CCDC88A: variants seen among roughly 807,000 people sequenced by gnomAD.
CCDC88A encodes the protein girdin.
Under a neutral mutation model 234.3 loss-of-function variants are expected in CCDC88A, and 54 were observed. The observed-to-expected ratio is 0.23, with a 90% CI of 0.19 to 0.29. CCDC88A has a LOEUF of 0.29. Ranked by LOEUF, CCDC88A falls within the 10% of genes least tolerant of loss-of-function variation. The probability of loss-of-function intolerance (pLI) is 1.00; values close to 1 mark genes in which losing one functional copy is unlikely to be tolerated. For missense variants in CCDC88A, 1,832 were observed against 2,123.4 expected (o/e 0.86, Z 2.70); for synonymous variants, 753 against 737.8 (o/e 1.02, Z -0.33).
chr2:55,352,926 G>A (rs548532218), intron 8 of CCDC88A, among the ~76,000 whole-genome samples: 4 of 152,022 alleles, frequency 2.6e-5, no homozygotes, highest in Admixed American at 6.6e-5. Context: ...ATTCACTTTA[G>A]TAGAGATCTG....
Position 55,335,702 on chromosome 2 carries a change from C to G in CCDC88A, c.1657-538G>C, listed in dbSNP as rs1473918607. On this transcript the variant is annotated intron_variant, in intron 14 of 32. Transcript: ENST00000436346. This position sits in a 1 kb window ranked among gnomAD's most constrained non-coding sequence, Gnocchi z 4.5. ...AAAAATCACTGGGTACATTTGGGAA[C>G]TAATTCATCCAATTTATAGCGTGAT... Among the ~76,000 whole-genome samples, 2 of 152,134 alleles carry G rather than the reference C, an allele frequency of 1.3e-5. No individual in the cohort carries two copies. Among genetic ancestry groups the G allele is most frequent in the Non-Finnish European group, 1.5e-5 (1 of 68,028 alleles).
At chr2:55,384,735 T>G (rs1198004626) in intron 3 of CCDC88A, among the ~76,000 whole-genome samples, 1 of 150,712 alleles carries the variant, frequency 6.6e-6, no homozygotes, top group African/African-American at 2.5e-5. Context: ...CCGCTTACTG[T>G]AACTTCTACC....
intron 2 of CCDC88A, among the ~76,000 whole-genome samples, chr2:55,395,413 T>A (rs2867175): frequency 0.3 from 46,256 of 152,078 alleles, 7,457 homozygotes; most frequent in East Asian, 0.54. Flanking sequence ...GGTATAACTA[T>A]TCCCTTTTAT....
Position 55,388,879 on chromosome 2 carries a change from T to C in CCDC88A, c.172A>G (p.Lys58Glu). 3 of 1,279,034 alleles carry C rather than the reference T, an allele frequency of 2.3e-6. No individual in the cohort carries two copies. Among genetic ancestry groups the C allele is most frequent in the Non-Finnish European group, 3.3e-6 (3 of 904,958 alleles). The allele number at this position is 1,279,034 out of a possible 1,614,324, so 79.2% of individuals were successfully genotyped here. The change falls in exon 3 of 33, where the codon AAA becomes GAA. Residue 58 changes from lysine to glutamate, a missense_variant. By Grantham distance (56) the Lys-to-Glu change is moderately conservative. This residue lies in a region of CCDC88A where 84 missense variants were observed against 80.9 expected (regional missense o/e 1.04). Transcript: ENST00000436346. ...TTATTTACTCTCTGACTCTCCAATT[T>C]AGGATTACTGTAAGAAATACAAAAA... ...LNQVMLQINPKLESQRVNKKV... is the reference protein window; with the variant it reads ...LNQVMLQINPELESQRVNKKV...
At chr2:55,314,464 G>A (rs1682729923) in intron 22 of CCDC88A, 1 of 152,250 alleles carries the variant, frequency 6.6e-6, no homozygotes, top group South Asian at 2.1e-4. Context: ...GAGGGAAGTG[G>A]TGCGATCTCG....
chr2:55,382,122 G>A (rs1255372928), intron 3 of CCDC88A, among the ~76,000 whole-genome samples: 1 of 152,024 alleles, frequency 6.6e-6, no homozygotes, highest in Admixed American at 6.6e-5. Flanking sequence ...TAAAACATTT[G>A]TTTTATAACA....
intron 2 of CCDC88A, among the ~76,000 whole-genome samples, chr2:55,395,894 G>A (rs1558814126): frequency 1.3e-5 from 2 of 152,186 alleles, no homozygotes; most frequent in Non-Finnish European, 2.9e-5. Context: ...GGAAAAGTGA[G>A]TCTCTCAAAT....
At chr2:55,302,249 C>G (rs1680984287) in intron 26 of CCDC88A, among the ~76,000 whole-genome samples, 177 bp from the exon 27 acceptor site, 2 of 152,124 alleles carry the variant, frequency 1.3e-5, no homozygotes, top group South Asian at 4.1e-4. Flanking sequence ...AATGAGTAGG[C>G]CAAAGGCTGA....
In CCDC88A at chr2:55,384,592, C is replaced by CAT. The variant is rs1197797141; in HGVS notation, c.273+4184_273+4185dup. On this transcript the variant is annotated intron_variant, in intron 3 of 32. Transcript: ENST00000436346. ...ATACGTATATATGTGTATATATACACATATATACGTATATATGTGTATATA... is the reference window on the plus strand; with the variant it reads ...ATACGTATATATGTGTATATATACACATATATATACGTATATATGTGTATATA... 5.2e-5 allele frequency among the ~76,000 whole-genome samples: 4 copies of CAT among 76,220 alleles called. 1 individual carries two copies. The highest frequency in any genetic ancestry group is 1.0e-4 in the Non-Finnish European group (4 of 39,806). 50.0% of individuals were successfully genotyped at this position (76,220 alleles called of 152,430 possible). A position where few individuals can be genotyped will look rare whatever the true frequency, so the allele number is the denominator to read the frequency against.
chr2:55,309,097 C>G lies in CCDC88A; in HGVS notation c.4172+65G>C. On this transcript the variant is annotated intron_variant, in intron 24 of 32. Transcript: ENST00000436346. This position sits in a 1 kb window ranked among gnomAD's most constrained non-coding sequence, Gnocchi z 5.1. ...TCCTTCACAAAAGTAGAAGTCATCA[C>G]AATATTAGAAATAACCTAGTGTTTT... 6.9e-7 allele frequency: 1 copy of G among 1,449,078 alleles called. No homozygotes were observed. 89.8% of individuals were successfully genotyped at this position (1,449,078 alleles called of 1,614,324 possible). A position where few individuals can be genotyped will look rare whatever the true frequency, so the allele number is the denominator to read the frequency against.
rs533470170 is a variant in CCDC88A at position 55,375,681 on chromosome 2, C to T, written c.274-798G>A. 6.4e-3 allele frequency among the ~76,000 whole-genome samples: 970 copies of T among 151,600 alleles called. 3 individuals are homozygous for T. Among genetic ancestry groups the T allele is most frequent in the Non-Finnish European group, 0.01 (703 of 67,892 alleles). ...TAACTGGGACTAGAGGCGCCTACCA[C>T]GATGCCTGGCTAATTTTTGTATTTT... On this transcript the variant is annotated intron_variant, in intron 3 of 32. Transcript: ENST00000436346.
Position 55,334,778 on chromosome 2 carries a change from G to A in CCDC88A, c.2043C>T (p.Ser681=). 6.3e-7 allele frequency: 1 copy of A among 1,599,992 alleles called. No homozygotes were observed. The highest frequency in any genetic ancestry group is 1.1e-5 in the South Asian group (1 of 87,806). Residue 681 remains serine, a synonymous_variant, in exon 15 of 33, where the codon AGC becomes AGT. Coordinates refer to ENST00000436346, the MANE Select transcript of CCDC88A (RefSeq NM_001365480.1). The surrounding 1 kb of genome is among the most constrained non-coding windows in gnomAD (Gnocchi z 6.1). ...CTAACTGAAAGGTCAGATTTTTAAAGCTATCCAATGTTTTTTTTAATTTTC... is the reference window on the plus strand; with the variant it reads ...CTAACTGAAAGGTCAGATTTTTAAAACTATCCAATGTTTTTTTTAATTTTC... ...ENRKLKKTLD[S]FKNLTFQLES...
chr2:55,355,358 C>T (rs1259824388), intron 8 of CCDC88A: 2 of 429,580 alleles, frequency 4.7e-6, no homozygotes, highest in East Asian at 4.5e-5. Flanking sequence ...TAAAAAAATA[C>T]ATACTAGAAT....
chr2:55,379,251 AAG>A (rs1217894698), intron 3 of CCDC88A, among the ~76,000 whole-genome samples: 6 of 152,306 alleles, frequency 3.9e-5, no homozygotes, highest in Non-Finnish European at 8.8e-5. Context: ...GAAATGGAAA[AAG>A]AATATATAAA....
At chr2:55,291,624 T>C in intron 32 of CCDC88A, 52 bp downstream of exon 32, 1 of 750,488 alleles carries the variant, frequency 1.3e-6, no homozygotes, top group Non-Finnish European at 2.2e-6. Context: ...TTAATTTGGT[T>C]AGTTTGTATA....
intron 2 of CCDC88A, among the ~76,000 whole-genome samples, chr2:55,415,759 G>C (rs917736474): frequency 6.6e-6 from 1 of 152,092 alleles, no homozygotes; most frequent in Non-Finnish European, 1.5e-5. Context: ...GACTGAGAGC[G>C]AACACCACCA....
intron 7 of CCDC88A, among the ~76,000 whole-genome samples, chr2:55,358,789 T>A (rs1477899970): frequency 6.6e-6 from 1 of 151,074 alleles, no homozygotes; most frequent in East Asian, 2.0e-4. Context: ...AAAAAAAAAA[T>A]CACAATCCCT....
At chr2:55,304,082 G>A in intron 25 of CCDC88A, among the ~76,000 whole-genome samples, 1 of 150,968 alleles carries the variant, frequency 6.6e-6, no homozygotes, top group African/African-American at 2.5e-5. Flanking sequence ...GCCAAGGCAG[G>A]AGGATCGCTT....
rs77713025 is a variant in CCDC88A, at chr2:55,364,115, G to C, written c.403-82C>G. 808 of 595,948 alleles carry C rather than the reference G, an allele frequency of 1.4e-3. 4 individuals carry two copies. The highest frequency in any genetic ancestry group is 0.01 in the African/African-American group (545 of 52,038). The allele number at this position is 595,948 out of a possible 1,614,324, so 36.9% of individuals were successfully genotyped here. On this transcript the variant is annotated intron_variant, in intron 5 of 32. Transcript: ENST00000436346. ...GTTATATATAACTAAAACTTTATGA[G>C]GTTTGCTATATTTTGAAAAGTATAG...
Sources: allele counts gnomAD v4.1 joint callset (sites outside exome capture counted in the v4.1 genomes callset), GRCh38; gene constraint gnomAD v4.1.1; regional missense constraint gnomAD v4.1.1; non-coding constraint Gnocchi (gnomAD v3.1); transcripts MANE v1.5; gene names NCBI Gene and HGNC (gene_info 2026-07-23, HGNC 2026-07-21).